SND1: variants seen among roughly 807,000 people sequenced by gnomAD.
SND1 encodes the protein staphylococcal nuclease domain-containing protein 1.
Under a neutral mutation model 121.7 loss-of-function variants are expected in SND1, and 38 were observed. The ratio of observed to expected loss-of-function variants is 0.31; its 90% CI spans 0.24 to 0.41. The LOEUF is 0.41. Among genes scored for constraint, SND1 ranks in the 10% least tolerant of loss-of-function variants. The probability of loss-of-function intolerance (pLI) is 1.00; values close to 1 mark genes in which losing one functional copy is unlikely to be tolerated. For synonymous variants in SND1, 401 were observed against 447.4 expected, an observed-to-expected ratio of 0.90 and a Z score of 1.31; for missense variants, 868 against 1,184.6, an observed-to-expected ratio of 0.73 and a Z score of 3.92.
intron 12 of SND1, among the ~76,000 whole-genome samples, chr7:127,857,470 A>T (rs1447631136): frequency 1.4e-5 from 2 of 142,632 alleles, no homozygotes; most frequent in Middle Eastern, 3.4e-3. Context: ...CCCAAAGAAC[A>T]CTTTTTTAAA....
At chr7:127,683,735 C>T (rs1795767266) in intron 1 of SND1, among the ~76,000 whole-genome samples, 1 of 152,218 alleles carries the variant, frequency 6.6e-6, no homozygotes, top group Non-Finnish European at 1.5e-5. Context: ...GCAGTACCTG[C>T]CACAGTGAAT....
intron 16 of SND1, among the ~76,000 whole-genome samples, chr7:128,008,936 G>A (rs1444604875): frequency 6.6e-6 from 1 of 152,168 alleles, no homozygotes; most frequent in Non-Finnish European, 1.5e-5. Context: ...ATTTAGTCCT[G>A]ATGGTGTGGT....
At chr7:127,726,140 A>G (rs1562992154) in intron 10 of SND1, among the ~76,000 whole-genome samples, 1 of 152,182 alleles carries the variant, frequency 6.6e-6, no homozygotes, top group East Asian at 1.9e-4. Flanking sequence ...ACTTGGACAA[A>G]CACTGTGATC....
At chr7:128,079,347 A>G (rs1291025874) in intron 17 of SND1, among the ~76,000 whole-genome samples, 1 of 152,260 alleles carries the variant, frequency 6.6e-6, no homozygotes, top group African/African-American at 2.4e-5. Flanking sequence ...GACTAGAGGC[A>G]AAGCTGTGGG....
At chr7:127,904,610 C>G (rs1800297821) in intron 13 of SND1, 137 bp from the exon 14 acceptor site, 1 of 582,698 alleles carries the variant, frequency 1.7e-6, no homozygotes, top group Admixed American at 2.5e-5. Flanking sequence ...ACTGGCTACT[C>G]AGCAGTGTAC....
At chr7:127,936,159 A>T (rs1481313877) in intron 15 of SND1, among the ~76,000 whole-genome samples, 2 of 152,156 alleles carry the variant, frequency 1.3e-5, no homozygotes, top group Admixed American at 1.3e-4. Flanking sequence ...CACCTGCCTT[A>T]GGCTTGGCTG....
intron 1 of SND1, among the ~76,000 whole-genome samples, chr7:127,668,689 C>T (rs977629127): frequency 3.9e-5 from 6 of 152,280 alleles, no homozygotes; most frequent in Admixed American, 6.5e-5. Flanking sequence ...GAATGAAAGC[C>T]GAACCCCTAA....
chr7:127,789,020 C>T (rs982852534), intron 10 of SND1, among the ~76,000 whole-genome samples: 3 of 152,196 alleles, frequency 2.0e-5, no homozygotes, highest in African/African-American at 7.2e-5. Context: ...ATTTTTCTCT[C>T]TTGAGAACCA....
At chr7:128,074,249 A>G (rs1793465796) in intron 16 of SND1, among the ~76,000 whole-genome samples, 1 of 152,074 alleles carries the variant, frequency 6.6e-6, no homozygotes, top group Non-Finnish European at 1.5e-5. Flanking sequence ...TCTCAGGTTA[A>G]GGAGAATCCC....
chr7:127,677,722 G>A lies in SND1; in HGVS notation c.79-8891G>A, dbSNP rs1159320666. 2.0e-5 allele frequency among the ~76,000 whole-genome samples: 3 copies of A among 152,210 alleles called. No homozygotes were observed. In the East Asian group the frequency reaches 5.8e-4, roughly 29 times the overall value. On this transcript the variant is annotated intron_variant, in intron 1 of 23. Coordinates refer to ENST00000354725, the MANE Select transcript of SND1 (RefSeq NM_014390.4). ...CAATAAAACTTTATTTATGGACACT[G>A]AAATTTGACTTTCATACTCTTTTGC... is the stretch of plus-strand genomic sequence containing the variant.
At chr7:127,686,406 A>G (rs1421507617) in intron 1 of SND1, among the ~76,000 whole-genome samples, 1 of 152,204 alleles carries the variant, frequency 6.6e-6, no homozygotes, top group African/African-American at 2.4e-5. Flanking sequence ...TGGGTCAATC[A>G]TTTCAGAATT....
At position 127,825,196 on chromosome 7, in the gene SND1, C is replaced by T. The variant is rs139917086; in HGVS notation, c.1242+17623C>T. Reference sequence around the variant, plus strand: ...CGCGATGTGGGCTCACTGCAATCTCCGCCTCCCGGGTTCAAGTGATTCTCC... The same window carrying T: ...CGCGATGTGGGCTCACTGCAATCTCTGCCTCCCGGGTTCAAGTGATTCTCC... On this transcript the variant is annotated intron_variant, in intron 11 of 23. Transcript: ENST00000354725. Among the ~76,000 whole-genome samples the T allele has an allele frequency of 6.0e-3, 915 of 152,204 alleles. 9 individuals carry two copies. The highest frequency in any genetic ancestry group is 0.021 in the African/African-American group (863 of 41,514).
intron 11 of SND1, among the ~76,000 whole-genome samples, chr7:127,835,081 G>A (rs1798840640): frequency 6.6e-6 from 1 of 152,190 alleles, no homozygotes; most frequent in South Asian, 2.1e-4. Flanking sequence ...TTTGGTGGGT[G>A]CAGGCATTCA....
intron 9 of SND1, among the ~76,000 whole-genome samples, chr7:127,717,793 G>T (rs1796416781): frequency 6.6e-6 from 1 of 152,144 alleles, no homozygotes; most frequent in African/African-American, 2.4e-5. Context: ...GCTATTGGTG[G>T]TTATGTCCAC....
chr7:128,010,257 A>C (rs1454342139), intron 16 of SND1, among the ~76,000 whole-genome samples: 1 of 152,232 alleles, frequency 6.6e-6, no homozygotes, highest in Admixed American at 6.5e-5. Flanking sequence ...GGAACAAAGC[A>C]CTACACCTGT....
intron 1 of SND1, 144 bp downstream of exon 1, chr7:127,652,595 C>T (rs1795141536): frequency 1.4e-6 from 1 of 698,986 alleles, no homozygotes; most frequent in African/African-American, 1.8e-5. Flanking sequence ...TCTCCGAATC[C>T]TCTCACTAGA....
chr7:127,881,278 G>A (rs1021485868), intron 12 of SND1, among the ~76,000 whole-genome samples: 2 of 152,042 alleles, frequency 1.3e-5, no homozygotes, highest in African/African-American at 4.8e-5. Flanking sequence ...TCCACCCTAG[G>A]TTATTGGATA....
At chr7:128,045,154 A>G (rs1034504018) in intron 16 of SND1, among the ~76,000 whole-genome samples, 9 of 152,244 alleles carry the variant, frequency 5.9e-5, no homozygotes, top group African/African-American at 2.2e-4. Flanking sequence ...TTGGATCAGA[A>G]CCAGTTAAGA....
At chr7:128,074,906 C>T (rs933580931) in intron 17 of SND1, among the ~76,000 whole-genome samples, 1 of 152,184 alleles carries the variant, frequency 6.6e-6, no homozygotes. Flanking sequence ...CTGAGGTGGG[C>T]CTGGGCTGCC....
Sources: allele counts gnomAD v4.1 joint callset (sites outside exome capture counted in the v4.1 genomes callset), GRCh38; gene constraint gnomAD v4.1.1; transcripts MANE v1.5; gene names NCBI Gene and HGNC (gene_info 2026-07-23, HGNC 2026-07-21).